Variants in NKAIN4 observed in about 807,000 individuals in gnomAD.
NKAIN4 encodes the protein sodium/potassium transporting ATPase interacting 4, also known as sodium/potassium-transporting ATPase subunit beta-1-interacting protein 4.
NKAIN4 carries 28 observed loss-of-function variants against 28.8 expected under a neutral mutation model. The observed-to-expected ratio is 0.97, with a 90% confidence interval of 0.72 to 1.33. The LOEUF (loss-of-function observed/expected upper bound fraction) is 1.33. Among genes scored for constraint, NKAIN4 ranks in the 40% most tolerant of loss-of-function variants. The pLI, the probability that NKAIN4 is intolerant of heterozygous loss-of-function variation, is 0.00. For missense variants in NKAIN4, 289 were observed against 277.2 expected, an observed-to-expected ratio of 1.04 and a Z score of -0.30; for synonymous variants, 122 against 115.6, an observed-to-expected ratio of 1.06 and a Z score of -0.36.
chr20:63,250,517 G>A (rs866461581), intron 1 of NKAIN4, among the ~76,000 whole-genome samples: 9 of 149,592 alleles, frequency 6.0e-5, no homozygotes, highest in South Asian at 2.1e-4. Context: ...CGGGAGGGAC[G>A]GACGCGGGTT....
chr20:63,246,462 TG>T (rs2066859515), intron 4 of NKAIN4: 1 of 980,090 alleles, frequency 1.0e-6, no homozygotes, highest in African/African-American at 1.7e-5. Context: ...CTTCCTGGCC[TG>T]ATTTCCTGCA....
rs6122414 is a variant in NKAIN4, at chr20:63,252,473, A to G, written c.54+1924T>C. ...ATTCTCACACTTGTCAAAAAAAAAA[A>G]GGGGCTATCCAACAACCCCGCCCTT... On this transcript the variant is annotated intron_variant, in intron 1 of 6. Transcript: ENST00000370316. The surrounding 1 kb of genome is among the most constrained non-coding windows in gnomAD (Gnocchi z 4.6). Among the ~76,000 whole-genome samples, 83,732 of 151,400 alleles carry G rather than the reference A, an allele frequency of 0.55. 23,679 individuals carry two copies. The highest frequency in any genetic ancestry group is 0.67 in the African/African-American group (27,717 of 41,276).
At chr20:63,251,245 T>C (rs577535350) in intron 1 of NKAIN4, among the ~76,000 whole-genome samples, 11 of 152,196 alleles carry the variant, frequency 7.2e-5, no homozygotes, top group East Asian at 1.9e-4. Flanking sequence ...TTTGCTGCTG[T>C]TATCTAGAAG....
In NKAIN4 at chr20:63,252,628, C is replaced by T. The variant is rs1400586049; in HGVS notation, c.54+1769G>A. ...CAGGACAAAAGGCCTTTGACAGCTC[C>T]CTGCTGCGGTTCAGCAGTGACCCAG... On this transcript the variant is annotated intron_variant, in intron 1 of 6. Coordinates refer to ENST00000370316, the MANE Select transcript of NKAIN4 (RefSeq NM_152864.4). This position sits in a 1 kb window ranked among gnomAD's most constrained non-coding sequence, Gnocchi z 4.6. Among the ~76,000 whole-genome samples, 1 of 152,162 alleles carries T rather than the reference C, an allele frequency of 6.6e-6. No individual in the cohort carries two copies. Among genetic ancestry groups the T allele is most frequent in the Non-Finnish European group, 1.5e-5 (1 of 68,028 alleles).
intron 3 of NKAIN4, 95 bp from the exon 4 acceptor site, chr20:63,247,870 GGGGAGGTCC>G: frequency 7.2e-7 from 1 of 1,387,664 alleles, no homozygotes. Context: ...ACCGAGGCAA[GGGGAGGTCC>G]TGTCCTCTCA....
At chr20:63,250,683 G>A (rs2066941702) in intron 1 of NKAIN4, among the ~76,000 whole-genome samples, 1 of 152,140 alleles carries the variant, frequency 6.6e-6, no homozygotes, top group African/African-American at 2.4e-5. Context: ...AGGGCCGAGA[G>A]AGAACCAATG....
At chr20:63,254,078 G>T (rs2067009191) in intron 1 of NKAIN4, 1 of 372,568 alleles carries the variant, frequency 2.7e-6, no homozygotes, top group Non-Finnish European at 5.1e-6. Context: ...CAGGCGATGG[G>T]GTCCAGGCGG....
At chr20:63,249,120 G>A (rs1259385355) in intron 2 of NKAIN4, 5 of 536,988 alleles carry the variant, frequency 9.3e-6, no homozygotes, top group Non-Finnish European at 1.3e-5. Context: ...ATGAGGCGGT[G>A]GGACAGCCAG....
chr20:63,242,967 A>G (rs2066787550), intron 5 of NKAIN4, among the ~76,000 whole-genome samples: 1 of 151,946 alleles, frequency 6.6e-6, no homozygotes, highest in Admixed American at 6.6e-5. Context: ...GGGTCAGGAC[A>G]GCCCGGGTCC....
In NKAIN4 at chr20:63,247,702, T is replaced by G. The variant is rs1358986581; in HGVS notation, c.347A>C (p.His116Pro). The change falls in exon 4 of 7, where the codon CAT becomes CCT. Residue 116 changes from histidine to proline, a missense_variant. Transcript: ENST00000370316. ...WWRERWPGCL[H>P]EEVPAVGLGA... ...GAGGCCCACTGCTGGCACCTCCTCATGCAGACAGCCTGGCCAGCGCTCACG... is the reference window on the plus strand; with the variant it reads ...GAGGCCCACTGCTGGCACCTCCTCAGGCAGACAGCCTGGCCAGCGCTCACG... 1.3e-6 allele frequency: 2 copies of G among 1,529,894 alleles called. No individual in the cohort carries two copies. Among genetic ancestry groups the G allele is most frequent in the African/African-American group, 2.8e-5 (2 of 72,362 alleles). The allele number at this position is 1,529,894 out of a possible 1,614,324, so 94.8% of individuals were successfully genotyped here. A position where few individuals can be genotyped will look rare whatever the true frequency, so the allele number is the denominator to read the frequency against.
chr20:63,248,952 T>C (rs2066908596), intron 2 of NKAIN4, 57 bp from the exon 3 acceptor site: 2 of 1,196,502 alleles, frequency 1.7e-6, no homozygotes, highest in South Asian at 1.2e-5. Context: ...CACACCTGCT[T>C]GCATCCAGCC....
intron 4 of NKAIN4, chr20:63,247,249 T>C (rs1468239577): frequency 1.0e-4 from 127 of 1,257,496 alleles, no homozygotes; most frequent in Non-Finnish European, 1.2e-4. Context: ...ATGCCCCTCC[T>C]CCTTGGGGCC....
chr20:63,245,884 C>A lies in NKAIN4; in HGVS notation c.471+1694G>T, dbSNP rs975060207. Among the ~76,000 whole-genome samples the A allele has an allele frequency of 1.3e-5, 2 of 152,050 alleles. No homozygotes were observed. Among genetic ancestry groups the A allele is most frequent in the African/African-American group, 4.8e-5 (2 of 41,408 alleles). ...ACTCCTCCAGCCTCGGCTCCCATAG[C>A]ACGCCAGCCCCCTCCGAGAGACTCT... On this transcript the variant is annotated intron_variant, in intron 4 of 6. Coordinates refer to ENST00000370316, the MANE Select transcript of NKAIN4 (RefSeq NM_152864.4). This position sits in a 1 kb window ranked among gnomAD's most constrained non-coding sequence, Gnocchi z 4.7.
In NKAIN4 at chr20:63,241,327, T is replaced by C. The variant is rs964799103; in HGVS notation, c.*170A>G. 3.7e-5 allele frequency: 23 copies of C among 623,208 alleles called. No homozygotes were observed. In the African/African-American group the frequency reaches 4.3e-4, roughly 12 times the overall value. The allele number at this position is 623,208 out of a possible 1,614,324, so 38.6% of individuals were successfully genotyped here. On this transcript the variant is annotated 3_prime_UTR_variant, in exon 7 of 7. Transcript: ENST00000370316. ...TTGACGCTGCAGCCAGCCGTGGCAC[T>C]GCCCTGCCGCCCTGGCTGGTGTCCA...
intron 6 of NKAIN4, 30 bp from the exon 7 acceptor site, chr20:63,241,536 G>T: frequency 1.3e-6 from 2 of 1,549,044 alleles, no homozygotes; most frequent in Non-Finnish European, 1.7e-6. Flanking sequence ...GAGCACCTGG[G>T]GGAACAGGGC....
chr20:63,247,595 G>A lies in NKAIN4; in HGVS notation c.454C>T (p.Leu152=), dbSNP rs749080901. The change falls in exon 4 of 7, where the codon CTG becomes TTG. Residue 152 remains leucine (L), a synonymous_variant. Coordinates refer to ENST00000370316, the MANE Select transcript of NKAIN4 (RefSeq NM_152864.4). The part of the protein sequence containing the change: ...PSYVEALHSC[L]QILIALLGFV... ...ACGCTCACCGCGATCAGGATCTGCA[G>A]GCAACTGTGTAGGGCCTCCACATAG... 15 of 1,547,528 alleles carry A rather than the reference G, an allele frequency of 9.7e-6. No homozygotes were observed. The South Asian group carries it at 1.8e-4, about 19-fold the overall frequency.
At chr20:63,241,825 C>A in intron 6 of NKAIN4, 2 of 519,300 alleles carry the variant, frequency 3.9e-6, no homozygotes, top group Non-Finnish European at 7.3e-6. Context: ...TGACCCCACC[C>A]CTTCCCAGGT....
chr20:63,254,088 G>A (rs1291448979), intron 1 of NKAIN4: 1 of 396,598 alleles, frequency 2.5e-6, no homozygotes. Flanking sequence ...GGTCCAGGCG[G>A]CCCCGCCCGA....
At chr20:63,243,847 C>T (rs2066806239) in intron 5 of NKAIN4, 177 bp downstream of exon 5, 1 of 591,870 alleles carries the variant, frequency 1.7e-6, no homozygotes, top group African/African-American at 1.9e-5. Flanking sequence ...CTGCTAATCT[C>T]TTCCCTGGTG....
Sources: gnomAD v4.1 joint callset for allele counts (sites outside exome capture counted in the v4.1 genomes callset) on GRCh38, gnomAD v4.1.1 for gene constraint, Gnocchi (gnomAD v3.1) non-coding constraint, MANE v1.5 for transcripts, NCBI Gene and HGNC (gene_info 2026-07-23, HGNC 2026-07-21) for gene names.